The following PHTF1 variants were observed in gnomAD, a reference collection of about 807,000 sequenced individuals.
PHTF1 encodes the protein protein PHTF1.
A neutral mutation model predicts 102.4 loss-of-function variants in PHTF1; 88 were observed. The observed-to-expected ratio is 0.86, with a 90% CI of 0.72 to 1.03. The LOEUF (loss-of-function observed/expected upper bound fraction) is 1.03, where lower values mean the gene tolerates loss of function less well. Among genes scored for constraint, PHTF1 ranks in the 50% least tolerant of loss-of-function variants. The probability of loss-of-function intolerance (pLI) is 0.00; values close to 1 mark genes in which losing one functional copy is unlikely to be tolerated. For synonymous variants in PHTF1, 289 were observed against 305.2 expected (o/e 0.95, Z 0.55); for missense variants, 814 against 909.5 (o/e 0.89, Z 1.35).
intron 7 of PHTF1, among the ~76,000 whole-genome samples, chr1:113,723,498 C>T (rs1557934946): frequency 1.3e-5 from 2 of 152,114 alleles, no homozygotes; most frequent in Non-Finnish European, 2.9e-5. Context: ...TCAGTTTTGA[C>T]AAAGATGCCA....
intron 3 of PHTF1, among the ~76,000 whole-genome samples, chr1:113,757,478 C>G (rs1421390722): frequency 6.6e-6 from 1 of 152,246 alleles, no homozygotes; most frequent in Admixed American, 6.5e-5. Context: ...GACATTTGCT[C>G]TCTAATTCAT....
rs749288652 is a variant in PHTF1 at position 113,710,222 on chromosome 1, A to T, written c.1269+32T>A. On this transcript the variant is annotated intron_variant, in intron 11 of 18. Coordinates refer to ENST00000369604, the MANE Select transcript of PHTF1 (RefSeq NM_001323043.2). ...CTGACACACAGTAAGAACACAATAA[A>T]TACTAGCTATTCTTATCATGTCTGC... 14 of 1,480,770 alleles carry T rather than the reference A, an allele frequency of 9.5e-6. No individual in the cohort carries two copies. In the South Asian group the frequency reaches 1.5e-4, roughly 16 times the overall value. The allele number at this position is 1,480,770 out of a possible 1,614,324, so 91.7% of individuals were successfully genotyped here.
intron 6 of PHTF1, 144 bp from the exon 7 acceptor site, chr1:113,725,037 A>C: frequency 1.7e-6 from 1 of 594,502 alleles, no homozygotes; most frequent in East Asian, 3.1e-5. Flanking sequence ...TAAACTATGC[A>C]AGAACTTTCT....
chr1:113,734,079 A>G (rs1158663976), intron 5 of PHTF1, among the ~76,000 whole-genome samples: 1 of 152,040 alleles, frequency 6.6e-6, no homozygotes, highest in Non-Finnish European at 1.5e-5. Flanking sequence ...GGTCAACATG[A>G]TGAAACCCTA....
At position 113,724,820 on chromosome 1, in the gene PHTF1, TTCC is replaced by T. The variant is rs757529817; in HGVS notation, c.559_561del (p.Gly187del). The T allele has an allele frequency of 6.2e-7, 1 of 1,609,552 alleles. No individual in the cohort carries two copies. Among genetic ancestry groups the T allele is most frequent in the Non-Finnish European group, 8.5e-7 (1 of 1,176,602 alleles). On this transcript the variant is annotated inframe_deletion, in exon 7 of 19. Coordinates refer to ENST00000369604, the MANE Select transcript of PHTF1 (RefSeq NM_001323043.2). Reference sequence around the variant, plus strand: ...ATGGGTACAGATTCCAAAGTTTCTATTCCTCTGACTTTATCAGAGGAGTTATTT... The same window carrying T: ...ATGGGTACAGATTCCAAAGTTTCTATTCTGACTTTATCAGAGGAGTTATTT...
intron 13 of PHTF1, among the ~76,000 whole-genome samples, chr1:113,705,584 T>G (rs1305132134): frequency 6.6e-6 from 1 of 152,264 alleles, no homozygotes; most frequent in East Asian, 1.9e-4. Context: ...TAGATAATTA[T>G]TTTATTCTAT....
At position 113,726,587 on chromosome 1, in the gene PHTF1, G is replaced by A. The variant is rs1279044227; in HGVS notation, c.332-13C>T. ...ACAATTGCTATAACTGAAAAGAAGA[G>A]GTTTTAAGATGTAAAACATTAGAGC... On this transcript the variant is annotated splice_polypyrimidine_tract_variant and intron_variant, in intron 5 of 18. Coordinates refer to ENST00000369604, the MANE Select transcript of PHTF1 (RefSeq NM_001323043.2). 9 of 1,504,864 alleles carry A rather than the reference G, an allele frequency of 6.0e-6. No individual in the cohort carries two copies. The highest frequency in any genetic ancestry group is 1.4e-5 in the African/African-American group (1 of 70,708). The allele number at this position is 1,504,864 out of a possible 1,614,324, so 93.2% of individuals were successfully genotyped here.
At position 113,715,648 on chromosome 1, in the gene PHTF1, C is replaced by CAAAAAAAAAAAAAAAA. The variant is rs60517410; in HGVS notation, c.624-2226_624-2211dup. 1.2e-3 allele frequency among the ~76,000 whole-genome samples: 31 copies of CAAAAAAAAAAAAAAAA among 24,980 alleles called. 4 individuals carry two copies. The highest frequency in any genetic ancestry group is 3.1e-3 in the Admixed American group (4 of 1,288). 16.4% of individuals were successfully genotyped at this position (24,980 alleles called of 152,430 possible). On this transcript the variant is annotated intron_variant, in intron 7 of 18. Transcript: ENST00000369604. Reference sequence around the variant, plus strand: ...GAGCAATGACAGTGAAACCCTGTCTCAAAAAAAAAAAAAAAAAAAAAAAAA... The same window carrying CAAAAAAAAAAAAAAAA: ...GAGCAATGACAGTGAAACCCTGTCTCAAAAAAAAAAAAAAAAAAAAAAAAAAAAAAAAAAAAAAAAA...
chr1:113,743,907 A>G (rs941310109), intron 3 of PHTF1, among the ~76,000 whole-genome samples: 24 of 152,152 alleles, frequency 1.6e-4, no homozygotes, highest in African/African-American at 5.8e-4. Flanking sequence ...AGAGATTCCA[A>G]CCCTTTCATT....
chr1:113,707,819 G>A (rs376121620), intron 11 of PHTF1, among the ~76,000 whole-genome samples: 32 of 152,294 alleles, frequency 2.1e-4, no homozygotes, highest in African/African-American at 7.7e-4. Flanking sequence ...AGGCAAGAGT[G>A]CTTTAGGAGT....
chr1:113,756,461 T>G (rs1337517597), intron 3 of PHTF1, among the ~76,000 whole-genome samples: 1 of 152,192 alleles, frequency 6.6e-6, no homozygotes, highest in Non-Finnish European at 1.5e-5. Context: ...CAATACTTTT[T>G]GAAAGGTAAT....
rs187458029 is a variant in PHTF1, at chr1:113,722,296, G to A, written c.623+2463C>T. ...CTACTAAAAATACAAAAAATTAGCC[G>A]GGCACGGTGGCGGGTGCCTGTAGTC... is the stretch of plus-strand genomic sequence containing the variant. On this transcript the variant is annotated intron_variant, in intron 7 of 18. Coordinates refer to ENST00000369604, the MANE Select transcript of PHTF1 (RefSeq NM_001323043.2). Among the ~76,000 whole-genome samples, 975 of 151,424 alleles carry A rather than the reference G, an allele frequency of 6.4e-3. 3 individuals carry two copies. Among genetic ancestry groups the A allele is most frequent in the Non-Finnish European group, 9.5e-3 (642 of 67,830 alleles).
intron 11 of PHTF1, 94 bp downstream of exon 11, chr1:113,710,160 C>A (rs1044083680): frequency 4.6e-6 from 4 of 873,376 alleles, no homozygotes; most frequent in Admixed American, 2.0e-5. Context: ...ATCTACCCTA[C>A]AGGATGATTG....
At chr1:113,699,937 TATGTC>T (rs1649262546) in intron 16 of PHTF1, 138 bp from the exon 17 acceptor site, 5 of 680,916 alleles carry the variant, frequency 7.3e-6, no homozygotes, top group Non-Finnish European at 4.7e-6. Context: ...ACAGAGAACA[TATGTC>T]ATGTGCTCTA....
intron 6 of PHTF1, 131 bp from the exon 7 acceptor site, chr1:113,725,024 G>A (rs928379441): frequency 1.0e-5 from 6 of 602,484 alleles, no homozygotes; most frequent in Admixed American, 3.6e-5. Flanking sequence ...CATATTCTGC[G>A]GATAAACTAT....
chr1:113,727,390 CT>C (rs1557940850), intron 5 of PHTF1, among the ~76,000 whole-genome samples: 1 of 152,266 alleles, frequency 6.6e-6, no homozygotes, highest in East Asian at 1.9e-4. Context: ...ATATCTAAAA[CT>C]AGTACCTGGA....
chr1:113,699,912 C>T, intron 16 of PHTF1, 113 bp from the exon 17 acceptor site: 1 of 687,886 alleles, frequency 1.5e-6, no homozygotes, highest in Non-Finnish European at 2.4e-6. Context: ...TTTTGAAATT[C>T]CAATAGCTAT....
At chr1:113,738,407 T>A (rs1655853786) in intron 4 of PHTF1, 139 bp from the exon 5 acceptor site, 2 of 623,354 alleles carry the variant, frequency 3.2e-6, no homozygotes, top group East Asian at 2.9e-5. Flanking sequence ...CCCTCTTAGA[T>A]GTTTGTTAAA....
intron 5 of PHTF1, among the ~76,000 whole-genome samples, chr1:113,737,416 G>C (rs1655660632): frequency 6.6e-6 from 1 of 152,214 alleles, no homozygotes; most frequent in Non-Finnish European, 1.5e-5. Flanking sequence ...GCAGCGGAGA[G>C]ATCTGGCCTG....
Sources: gnomAD v4.1 joint callset for allele counts (sites outside exome capture counted in the v4.1 genomes callset) on GRCh38, gnomAD v4.1.1 for gene constraint, MANE v1.5 for transcripts, NCBI Gene and HGNC (gene_info 2026-07-23, HGNC 2026-07-21) for gene names.